Variants in SPATA6 observed in about 807,000 individuals in gnomAD.
SPATA6 encodes spermatogenesis associated 6, also known as spermatogenesis-associated protein 6.
A neutral mutation model predicts 65.3 loss-of-function variants in SPATA6; 56 were observed. The observed-to-expected ratio is 0.86, with a 90% CI of 0.69 to 1.07. SPATA6 has a LOEUF of 1.07. Ranked by LOEUF, SPATA6 falls within the 50% of genes least tolerant of loss-of-function variation. SPATA6 has a pLI of 0.00. For synonymous variants in SPATA6, 199 were observed against 213.2 expected (o/e 0.93, Z 0.58); for missense variants, 590 against 594.8 (o/e 0.99, Z 0.08).
In SPATA6 at chr1:48,297,923, A is replaced by G. The variant is rs984777963; in HGVS notation, c.*790T>C. ...TTCCAAGCAGTCAAATTACAATATA[A>G]TTCCATTATTATTTTTAGGTTTCTA... On this transcript the variant is annotated 3_prime_UTR_variant, in exon 13 of 13. Coordinates refer to ENST00000371847, the MANE Select transcript of SPATA6 (RefSeq NM_019073.4). 6.6e-6 allele frequency: 1 copy of G among 152,074 alleles called. No individual in the cohort carries two copies. Among genetic ancestry groups the G allele is most frequent in the African/African-American group, 2.4e-5 (1 of 41,422 alleles). The allele number at this position is 152,074 out of a possible 1,614,324, so 9.4% of individuals were successfully genotyped here.
At chr1:48,386,901 C>A (rs1173180953) in intron 8 of SPATA6, among the ~76,000 whole-genome samples, 1 of 152,172 alleles carries the variant, frequency 6.6e-6, no homozygotes. Flanking sequence ...AGCAGGGCTG[C>A]CCCCAGGACT....
chr1:48,407,521 C>A (rs1354606874), intron 5 of SPATA6, among the ~76,000 whole-genome samples: 1 of 152,214 alleles, frequency 6.6e-6, no homozygotes, highest in African/African-American at 2.4e-5. Context: ...TCTGTTCCCT[C>A]TGGTAGCAAA....
chr1:48,288,068 T>C, the SPATA6 span, among the ~76,000 whole-genome samples: 8 of 152,334 alleles, frequency 5.3e-5, no homozygotes, highest in Middle Eastern at 3.4e-3. Context: ...TATCATGTGG[T>C]TTTTGTCTTT....
chr1:48,286,145 G>A, the SPATA6 span, among the ~76,000 whole-genome samples: 844 of 151,754 alleles, frequency 5.6e-3, 8 homozygotes, highest in African/African-American at 0.019. Flanking sequence ...GATTACTTTG[G>A]CTATTTGGGG....
chr1:48,302,058 G>C (rs183618373), intron 12 of SPATA6, among the ~76,000 whole-genome samples: 77 of 152,114 alleles, frequency 5.1e-4, no homozygotes, highest in African/African-American at 1.6e-3. Flanking sequence ...CAGAGTTTTT[G>C]TAGAAAACAA....
intron 11 of SPATA6, among the ~76,000 whole-genome samples, chr1:48,315,112 T>C (rs6672805): frequency 0.053 from 8,085 of 152,116 alleles, 283 homozygotes; most frequent in Non-Finnish European, 0.079. Context: ...CTACCAGAGG[T>C]ACAAGGAGGA....
At chr1:48,377,406 T>A (rs540546645) in intron 9 of SPATA6, among the ~76,000 whole-genome samples, 2 of 152,278 alleles carry the variant, frequency 1.3e-5, no homozygotes, top group African/African-American at 4.8e-5. Context: ...CACTGAACCT[T>A]AATGAATGCT....
At chr1:48,388,860 C>G (rs983679441) in intron 8 of SPATA6, among the ~76,000 whole-genome samples, 1 of 152,020 alleles carries the variant, frequency 6.6e-6, no homozygotes, top group African/African-American at 2.4e-5. Flanking sequence ...AGGCATGTGC[C>G]ACCACACCCA....
intron 8 of SPATA6, among the ~76,000 whole-genome samples, chr1:48,388,072 T>G (rs1292836131): frequency 1.3e-5 from 2 of 151,922 alleles, no homozygotes; most frequent in East Asian, 1.9e-4. Context: ...TGCACACCAC[T>G]CTGGAGCCCA....
At chr1:48,339,055 G>A (rs1346341237) in intron 11 of SPATA6, among the ~76,000 whole-genome samples, 1 of 151,876 alleles carries the variant, frequency 6.6e-6, no homozygotes, top group Non-Finnish European at 1.5e-5. Context: ...TGAAATACAT[G>A]ACCAATTTCT....
the SPATA6 span, among the ~76,000 whole-genome samples, chr1:48,282,840 C>T: frequency 1.1e-4 from 16 of 152,108 alleles, no homozygotes; most frequent in Non-Finnish European, 1.5e-5. Flanking sequence ...TCGGTATATA[C>T]CCAAAGGACT....
intron 11 of SPATA6, among the ~76,000 whole-genome samples, chr1:48,320,241 T>G (rs996042975): frequency 6.6e-6 from 1 of 152,176 alleles, no homozygotes; most frequent in African/African-American, 2.4e-5. Flanking sequence ...GATAAAGATA[T>G]TGGTAATCAA....
chr1:48,389,948 G>A (rs1005654026), intron 8 of SPATA6, among the ~76,000 whole-genome samples: 6 of 152,040 alleles, frequency 3.9e-5, no homozygotes, highest in Non-Finnish European at 5.9e-5. Context: ...AAGAGAAAAA[G>A]AAAGGACCAA....
intron 1 of SPATA6, among the ~76,000 whole-genome samples, chr1:48,466,728 C>T (rs1397211101): frequency 6.6e-6 from 1 of 151,794 alleles, no homozygotes; most frequent in Non-Finnish European, 1.5e-5. Flanking sequence ...GCGAAATTTA[C>T]CACCAACTGT....
At chr1:48,273,449 A>G in the SPATA6 span, among the ~76,000 whole-genome samples, 1 of 152,242 alleles carries the variant, frequency 6.6e-6, no homozygotes, top group Middle Eastern at 3.4e-3. Context: ...CCCATCAACC[A>G]GTCATCTACA....
chr1:48,279,434 C>A, the SPATA6 span, among the ~76,000 whole-genome samples: 1 of 152,136 alleles, frequency 6.6e-6, no homozygotes, highest in Non-Finnish European at 1.5e-5. Flanking sequence ...ATTCAGCAAA[C>A]CCATCTCATG....
chr1:48,280,984 C>T, the SPATA6 span, among the ~76,000 whole-genome samples: 1 of 152,086 alleles, frequency 6.6e-6, no homozygotes, highest in African/African-American at 2.4e-5. Context: ...GCTTATCCAC[C>T]ATGATCAAGT....
chr1:48,352,925 CTT>C (rs1646553499), intron 11 of SPATA6, among the ~76,000 whole-genome samples: 1 of 140,860 alleles, frequency 7.1e-6, no homozygotes, highest in Non-Finnish European at 1.5e-5. Flanking sequence ...AAAAAAATGA[CTT>C]TTAACCTAGA....
At chr1:48,370,314 C>A (rs1458827551) in intron 9 of SPATA6, among the ~76,000 whole-genome samples, 1 of 152,100 alleles carries the variant, frequency 6.6e-6, no homozygotes, top group African/African-American at 2.4e-5. Flanking sequence ...GAATAAGGAC[C>A]ATAGGACAGA....
Sources: allele counts gnomAD v4.1 joint callset (sites outside exome capture counted in the v4.1 genomes callset), GRCh38; gene constraint gnomAD v4.1.1; transcripts MANE v1.5; gene names NCBI Gene and HGNC (gene_info 2026-07-23, HGNC 2026-07-21).